Variants in RARS2 observed in about 807,000 individuals in gnomAD.
The protein encoded by RARS2 is arginyl-tRNA synthetase 2, mitochondrial, also known as probable arginine--tRNA ligase, mitochondrial.
In RARS2, 67 loss-of-function variants were observed where a neutral mutation model predicts 88.5. The observed-to-expected ratio is 0.76, with a 90% CI of 0.62 to 0.93. The LOEUF (loss-of-function observed/expected upper bound fraction) is 0.93. Among genes scored for constraint, RARS2 ranks in the 40% least tolerant of loss-of-function variants. The probability of loss-of-function intolerance (pLI) is 0.00; values close to 1 mark genes in which losing one functional copy is unlikely to be tolerated. For missense variants in RARS2, 664 were observed against 684.2 expected (o/e 0.97, Z 0.33); for synonymous variants, 239 against 230.3 (o/e 1.04, Z -0.34).
chr6:87,522,357 A>G (rs1774193952), intron 11 of RARS2, among the ~76,000 whole-genome samples: 1 of 141,762 alleles, frequency 7.1e-6, no homozygotes, highest in Non-Finnish European at 1.5e-5. Flanking sequence ...AAAAAAAAAG[A>G]CCATAAAGTC....
chr6:87,574,758 AAAGAC>A (rs1770859860), intron 1 of RARS2, among the ~76,000 whole-genome samples: 1 of 152,350 alleles, frequency 6.6e-6, no homozygotes, highest in East Asian at 1.9e-4. Context: ...ACAAGAACTA[AAAGAC>A]AAGATGAAAA....
At chr6:87,561,758 C>A (rs1331494913) in intron 4 of RARS2, among the ~76,000 whole-genome samples, 1 of 152,196 alleles carries the variant, frequency 6.6e-6, no homozygotes, top group Non-Finnish European at 1.5e-5. Context: ...TATTCAAATT[C>A]TCACTAAGAT....
intron 5 of RARS2, among the ~76,000 whole-genome samples, chr6:87,552,203 G>A (rs867917730): frequency 2.0e-5 from 3 of 152,128 alleles, no homozygotes; most frequent in African/African-American, 7.2e-5. Flanking sequence ...GAGCACAGTG[G>A]TATCTCTTGT....
chr6:87,558,517 C>T (rs1181373490), intron 4 of RARS2, among the ~76,000 whole-genome samples: 4 of 152,224 alleles, frequency 2.6e-5, no homozygotes, highest in African/African-American at 9.6e-5. Context: ...AAAAACAACA[C>T]CTACAGTAAT....
intron 8 of RARS2, among the ~76,000 whole-genome samples, chr6:87,535,676 G>GTTTTT (rs10710147): frequency 1.3e-4 from 14 of 111,394 alleles, no homozygotes; most frequent in Non-Finnish European, 1.8e-4. Flanking sequence ...TAACTGTTTT[G>GTTTTT]TTTTTTTTTT....
At position 87,548,934 on chromosome 6, in the gene RARS2, C is replaced by A. The variant is rs6911548; in HGVS notation, c.396-288G>T. ...CAAAATTTAAAAATGTAAAAATACC[C>A]CCAGCACAATGGCTCATGCCTGTAA... is the stretch of plus-strand genomic sequence containing the variant. On this transcript the variant is annotated intron_variant, in intron 5 of 19. Transcript: ENST00000369536. 0.064 allele frequency among the ~76,000 whole-genome samples: 9,683 copies of A among 152,168 alleles called. 389 individuals are homozygous for A. The highest frequency in any genetic ancestry group is 0.12 in the African/African-American group (4,845 of 41,494).
rs201899366 is a variant in RARS2 at position 87,589,942 on chromosome 6, G to A, written c.16C>T (p.Arg6Cys). 22 of 1,612,782 alleles carry A rather than the reference G, an allele frequency of 1.4e-5. No individual in the cohort carries two copies. In the East Asian group the frequency reaches 2.0e-4, roughly 15 times the overall value. Residue 6 changes from arginine (R) to cysteine (C), a missense_variant, in exon 1 of 20, where the codon CGC becomes TGC. Arg to Cys is a radical substitution (Grantham distance 180). Coordinates refer to ENST00000369536, the MANE Select transcript of RARS2 (RefSeq NM_020320.5). ...CATACCTGGCAAGCAATAGCGCGGC[G>A]AAAGCCGCACGCCATGTCCACCTCT... The part of the protein sequence containing the change: MACGF[R>C]RAIACQLSRV...
intron 5 of RARS2, among the ~76,000 whole-genome samples, chr6:87,553,229 G>A (rs111966499): frequency 0.027 from 4,117 of 152,042 alleles, 171 homozygotes; most frequent in African/African-American, 0.094. Context: ...AGAGAGAGAT[G>A]CCTGGCTAGA....
chr6:87,565,558 T>C (rs1767610725), intron 2 of RARS2, among the ~76,000 whole-genome samples: 1 of 151,868 alleles, frequency 6.6e-6, no homozygotes, highest in African/African-American at 2.4e-5. Context: ...TCAAAAGCTC[T>C]CCCTTTCCCT....
At chr6:87,518,346 C>T (rs1383302334) in intron 16 of RARS2, 82 bp from the exon 17 acceptor site, 5 of 1,602,314 alleles carry the variant, frequency 3.1e-6, no homozygotes, top group African/African-American at 1.3e-5. Flanking sequence ...TGAACATGAC[C>T]TTATAATACA....
intron 8 of RARS2, among the ~76,000 whole-genome samples, chr6:87,534,652 G>C (rs1045848692): frequency 1.3e-5 from 2 of 152,180 alleles, no homozygotes; most frequent in Non-Finnish European, 2.9e-5. Flanking sequence ...AGAGAGAGTA[G>C]AAAAGCAAGC....
At chr6:87,533,015 CTA>C (rs1778019551) in intron 8 of RARS2, among the ~76,000 whole-genome samples, 1 of 152,148 alleles carries the variant, frequency 6.6e-6, no homozygotes, top group Non-Finnish European at 1.5e-5. Context: ...GTTTCTGATT[CTA>C]TCTCACACAC....
At chr6:87,565,689 CA>C (rs201030237) in intron 2 of RARS2, among the ~76,000 whole-genome samples, 2 of 152,020 alleles carry the variant, frequency 1.3e-5, no homozygotes, top group African/African-American at 4.8e-5. Context: ...GTTCAAGGTG[CA>C]AAAAAAATTT....
chr6:87,585,326 A>C (rs998519161), intron 1 of RARS2, among the ~76,000 whole-genome samples: 2 of 152,254 alleles, frequency 1.3e-5, no homozygotes, highest in Non-Finnish European at 2.9e-5. Context: ...GGAAACAGAC[A>C]CTAAAACAAG....
chr6:87,514,942 T>A lies in RARS2; in HGVS notation c.1650+15A>T. The A allele has an allele frequency of 6.3e-7, 1 of 1,597,404 alleles. No individual in the cohort carries two copies. ...GGAGCTAGGGATTATACAGAAAACA[T>A]TCAACATAACGTACCCCAGCCACTT... On this transcript the variant is annotated intron_variant, in intron 19 of 19. Coordinates refer to ENST00000369536, the MANE Select transcript of RARS2 (RefSeq NM_020320.5).
At chr6:87,575,812 T>C (rs1771293859) in intron 1 of RARS2, among the ~76,000 whole-genome samples, 1 of 151,814 alleles carries the variant, frequency 6.6e-6, no homozygotes, top group African/African-American at 2.4e-5. Flanking sequence ...TGCATCATTG[T>C]GGATAAATTT....
chr6:87,522,967 G>T (rs75083429), intron 11 of RARS2, among the ~76,000 whole-genome samples: 12,304 of 152,204 alleles, frequency 0.081, 527 homozygotes, highest in East Asian at 0.096. Flanking sequence ...TATATACAGA[G>T]ATACAGAATA....
At chr6:87,517,433 C>T (rs1027407219) in intron 17 of RARS2, among the ~76,000 whole-genome samples, 1 of 152,194 alleles carries the variant, frequency 6.6e-6, no homozygotes, top group Non-Finnish European at 1.5e-5. Flanking sequence ...TAAATCATGG[C>T]TGGTGAATGT....
At chr6:87,520,385 T>A in intron 12 of RARS2, 129 bp from the exon 13 acceptor site, 2 of 727,444 alleles carry the variant, frequency 2.7e-6, no homozygotes, top group Non-Finnish European at 4.7e-6. Flanking sequence ...ATGTTTTAAC[T>A]AAACACAAAG....
Sources: allele counts gnomAD v4.1 joint callset (sites outside exome capture counted in the v4.1 genomes callset), GRCh38; gene constraint gnomAD v4.1.1; transcripts MANE v1.5; gene names NCBI Gene and HGNC (gene_info 2026-07-23, HGNC 2026-07-21).